Variants in DDAH1 observed in about 807,000 individuals in gnomAD.
DDAH1 encodes the protein N(G),N(G)-dimethylarginine dimethylaminohydrolase 1.
Under a neutral mutation model 28.8 loss-of-function variants are expected in DDAH1, and 19 were observed. The observed-to-expected ratio is 0.66, with a 90% CI of 0.46 to 0.97. The LOEUF is 0.97. Among genes scored for constraint, DDAH1 ranks in the 50% least tolerant of loss-of-function variants. DDAH1 has a pLI of 0.00. For missense variants in DDAH1, 326 were observed against 375.9 expected, an observed-to-expected ratio of 0.87 and a Z score of 1.10; for synonymous variants, 153 against 154.4, an observed-to-expected ratio of 0.99 and a Z score of 0.07.
At chr1:85,355,024 GCAAA>G (rs936050967) in intron 2 of DDAH1, among the ~76,000 whole-genome samples, 3 of 151,998 alleles carry the variant, frequency 2.0e-5, no homozygotes, top group African/African-American at 7.2e-5. Flanking sequence ...CAAACCTCTG[GCAAA>G]CAAAGAAAGA....
At chr1:85,415,010 T>C (rs1652828316) in intron 1 of DDAH1, among the ~76,000 whole-genome samples, 1 of 124,178 alleles carries the variant, frequency 8.1e-6, no homozygotes, top group Non-Finnish European at 1.7e-5. Context: ...TGTTGCTTTT[T>C]TTTTTTTTTT....
intron 1 of DDAH1, chr1:85,404,656 A>G: frequency 1.8e-6 from 1 of 567,530 alleles, no homozygotes; most frequent in Non-Finnish European, 2.6e-6. Flanking sequence ...GTATTTCTTT[A>G]AATTCCACGT....
In DDAH1 at chr1:85,420,053, C is replaced by T. The variant is rs145432410; in HGVS notation, c.303+44690G>A. ...TGGAGCTGTGGTCTGAGCTGCGGTT[C>T]GACCTGGGCTCCTCTGAGCTATGGC... On this transcript the variant is annotated intron_variant, in intron 1 of 5. Coordinates refer to ENST00000284031, the MANE Select transcript of DDAH1 (RefSeq NM_012137.4). Among the ~76,000 whole-genome samples the T allele has an allele frequency of 5.5e-4, 83 of 152,154 alleles. No individual in the cohort carries two copies. In the East Asian group the frequency reaches 0.015, roughly 27 times the overall value.
chr1:85,464,940 C>A lies in DDAH1; in HGVS notation c.106G>T (p.Glu36Ter). 1.3e-6 allele frequency: 2 copies of A among 1,520,204 alleles called. No individual in the cohort carries two copies. Among genetic ancestry groups the A allele is most frequent in the Non-Finnish European group, 8.7e-7 (1 of 1,143,436 alleles). The allele number at this position is 1,520,204 out of a possible 1,614,324, so 94.2% of individuals were successfully genotyped here. ...TCCGCGCGGGCGACGTCCACCTCCT[C>A]GCCCTTGGCGCTTCTCAGCGCGTGC... is the stretch of plus-strand genomic sequence containing the variant. Reference protein sequence around the residue: ...GQHALRSAKGEEVDVARAERQ... With the variant: ...GQHALRSAKG Residue 36 changes from glutamate to a stop codon, truncating the protein, a stop_gained, in exon 1 of 6, where the codon GAG becomes TAG. Coordinates refer to ENST00000284031, the MANE Select transcript of DDAH1 (RefSeq NM_012137.4). LOFTEE classifies it high-confidence loss of function. This position sits in a 1 kb window ranked among gnomAD's most constrained non-coding sequence, Gnocchi z 4.4.
At chr1:85,381,904 T>C (rs1210629855) in intron 1 of DDAH1, among the ~76,000 whole-genome samples, 3 of 152,178 alleles carry the variant, frequency 2.0e-5, no homozygotes, top group Admixed American at 6.6e-5. Flanking sequence ...GTGTGTGTTC[T>C]GACTACTCCA....
At chr1:85,488,827 G>A (rs1358050712) in intron 2 of DDAH1, among the ~76,000 whole-genome samples, 1 of 152,136 alleles carries the variant, frequency 6.6e-6, no homozygotes, top group Non-Finnish European at 1.5e-5. Context: ...ATATTCTGAT[G>A]ACTGGTGAAA....
intron 1 of DDAH1, chr1:85,575,935 T>C (rs1343292813): frequency 6.6e-6 from 1 of 151,986 alleles, no homozygotes; most frequent in Non-Finnish European, 1.5e-5. Flanking sequence ...AGGGGAGGGA[T>C]AGCATTAGGA....
At chr1:85,329,790 A>C (rs1032318495) in intron 4 of DDAH1, among the ~76,000 whole-genome samples, 3 of 152,242 alleles carry the variant, frequency 2.0e-5, no homozygotes, top group African/African-American at 7.2e-5. Context: ...ATGACTTTTA[A>C]TAATGAACAG....
At chr1:85,566,491 C>CAAA (rs200302503) in intron 1 of DDAH1, among the ~76,000 whole-genome samples, 299 of 84,728 alleles carry the variant, frequency 3.5e-3, no homozygotes, top group African/African-American at 0.012. Context: ...GACCCCATCT[C>CAAA]AAAAAAAAAA....
chr1:85,343,641 A>ATAAC lies in DDAH1; in HGVS notation c.597+6770_597+6773dup, dbSNP rs1570403592. Reference sequence around the variant, plus strand: ...CACACTATAATTCCCTGTGACAACAATAACTAAAAATGCAAAGTCTTTATT... The same window carrying ATAAC: ...CACACTATAATTCCCTGTGACAACAATAACTAACTAAAAATGCAAAGTCTTTATT... On this transcript the variant is annotated intron_variant, in intron 4 of 5. Transcript: ENST00000284031. Among the ~76,000 whole-genome samples, 4 of 152,372 alleles carry ATAAC rather than the reference A, an allele frequency of 2.6e-5. No individual in the cohort carries two copies. In the East Asian group the frequency reaches 7.7e-4, roughly 29 times the overall value.
chr1:85,346,672 A>G (rs2100833731), intron 4 of DDAH1, among the ~76,000 whole-genome samples: 1 of 152,302 alleles, frequency 6.6e-6, no homozygotes, highest in South Asian at 2.1e-4. Context: ...TATAAGTGAT[A>G]TATTTGTCTC....
chr1:85,471,419 T>G (rs182864494), intron 2 of DDAH1, among the ~76,000 whole-genome samples: 1 of 152,354 alleles, frequency 6.6e-6, no homozygotes, highest in East Asian at 1.9e-4. Context: ...TGCCATTTGT[T>G]TTTTACCAGG....
At chr1:85,568,680 AATTAAAGGATCCTT>A (rs1659374450) in intron 1 of DDAH1, among the ~76,000 whole-genome samples, 1 of 152,220 alleles carries the variant, frequency 6.6e-6, no homozygotes, top group African/African-American at 2.4e-5. Flanking sequence ...GAGAGTTCAT[AATTAAAGGATCCTT>A]ATTAAAGGAT....
chr1:85,404,534 C>T lies in DDAH1; in HGVS notation c.304-45687G>A, dbSNP rs1012021217. ...GCCATGGAGCAAATAATAACACTAA[C>T]TGCAGCTCCAGACAGAAAAAAAAAT... On this transcript the variant is annotated intron_variant, in intron 1 of 5. Coordinates refer to ENST00000284031, the MANE Select transcript of DDAH1 (RefSeq NM_012137.4). 3.7e-5 allele frequency: 51 copies of T among 1,375,362 alleles called. 1 individual carries two copies. The Middle Eastern group carries it at 1.1e-3, about 31-fold the overall frequency. The allele number at this position is 1,375,362 out of a possible 1,614,324, so 85.2% of individuals were successfully genotyped here. A position where few individuals can be genotyped will look rare whatever the true frequency, so the allele number is the denominator to read the frequency against.
At chr1:85,457,754 A>T (rs1400446532) in intron 1 of DDAH1, among the ~76,000 whole-genome samples, 1 of 152,200 alleles carries the variant, frequency 6.6e-6, no homozygotes, top group Non-Finnish European at 1.5e-5. Flanking sequence ...CTGTGGCGTG[A>T]TCTTGGCTCA....
rs1237496922 is a variant in DDAH1 at position 85,321,456 on chromosome 1, G to A, written c.854C>T (p.Ser285Phe). 1.9e-6 allele frequency: 3 copies of A among 1,610,652 alleles called. No homozygotes were observed. Among genetic ancestry groups the A allele is most frequent in the Non-Finnish European group, 2.5e-6 (3 of 1,176,816 alleles). The change falls in exon 6 of 6, where the codon TCC becomes TTC. Residue 285 changes from serine (S) to phenylalanine (F), a missense_variant. Ser to Phe is a radical substitution (Grantham distance 155). Transcript: ENST00000284031. Reference protein sequence around the residue: ...CSVLINKKVDS With the variant: ...CSVLINKKVDF ...TACCGGGGGGGACTCTGCAGCTCAG[G>A]AGTCTACTTTCTTGTTAATTAAAAC...
intron 1 of DDAH1, among the ~76,000 whole-genome samples, chr1:85,406,809 T>G (rs1249556236): frequency 6.6e-6 from 1 of 152,084 alleles, no homozygotes; most frequent in Non-Finnish European, 1.5e-5. Flanking sequence ...CTGAAAAAAT[T>G]ACATTCCTTT....
chr1:85,324,375 C>T (rs233122), intron 5 of DDAH1, among the ~76,000 whole-genome samples: 8,082 of 151,944 alleles, frequency 0.053, 744 homozygotes, highest in African/African-American at 0.19. Context: ...CAGAAAACAG[C>T]GATACCGTTG....
intron 1 of DDAH1, among the ~76,000 whole-genome samples, chr1:85,426,933 A>AC (rs1653428688): frequency 6.6e-6 from 1 of 151,390 alleles, no homozygotes; most frequent in Non-Finnish European, 1.5e-5. Context: ...AAAAAAAAAA[A>AC]AAAAAAGGAA....
Sources: gnomAD v4.1 joint callset for allele counts (sites outside exome capture counted in the v4.1 genomes callset) on GRCh38, gnomAD v4.1.1 for gene constraint, Gnocchi (gnomAD v3.1) non-coding constraint, MANE v1.5 for transcripts, NCBI Gene and HGNC (gene_info 2026-07-23, HGNC 2026-07-21) for gene names.